Variants in SAMD7 observed in about 807,000 individuals in gnomAD.
SAMD7 encodes sterile alpha motif domain containing 7.
A neutral mutation model predicts 36.7 loss-of-function variants in SAMD7; 34 were observed. That is an observed-to-expected ratio of 0.93 (90% CI 0.71 to 1.23). The LOEUF is 1.23. SAMD7 is among the 50% of genes most tolerant of loss of function. The pLI, the probability that SAMD7 is intolerant of heterozygous loss-of-function variation, is 0.00. For synonymous variants in SAMD7, 188 were observed against 189.7 expected (o/e 0.99, Z 0.07); for missense variants, 570 against 546.6 (o/e 1.04, Z -0.43).
intron 7 of SAMD7, chr3:169,932,904 AG>A (rs1559954079): frequency 6.3e-6 from 4 of 635,984 alleles, no homozygotes; most frequent in Non-Finnish European, 1.2e-5. Flanking sequence ...CAAGATAATG[AG>A]GGCGCCAGTA....
rs141911918 is a variant in SAMD7, at chr3:169,929,668, T to C, written c.1041+1090T>C. ...AGTTGTTTTATCTGTAAAATGAAGATAATCATAATAATACATTTTCAGAGG... is the reference window on the plus strand; with the variant it reads ...AGTTGTTTTATCTGTAAAATGAAGACAATCATAATAATACATTTTCAGAGG... On this transcript the variant is annotated intron_variant, in intron 7 of 8. Coordinates refer to ENST00000335556, the MANE Select transcript of SAMD7 (RefSeq NM_001304366.2). 6.3e-3 allele frequency among the ~76,000 whole-genome samples: 961 copies of C among 152,312 alleles called. 2 individuals carry two copies. The highest frequency in any genetic ancestry group is 1.0e-2 in the Non-Finnish European group (679 of 68,026).
At chr3:169,919,885 C>T (rs1712974311) in intron 3 of SAMD7, among the ~76,000 whole-genome samples, 1 of 152,134 alleles carries the variant, frequency 6.6e-6, no homozygotes, top group Non-Finnish European at 1.5e-5. Context: ...TAATAAAATA[C>T]TGCAGACAGC....
intron 5 of SAMD7, among the ~76,000 whole-genome samples, chr3:169,925,894 G>T (rs565358338): frequency 6.6e-6 from 1 of 152,298 alleles, no homozygotes; most frequent in African/African-American, 2.4e-5. Context: ...AGCCAAGTTT[G>T]CCTACCTGAC....
chr3:169,936,595 G>T, intron 8 of SAMD7, 146 bp downstream of exon 8: 1 of 578,214 alleles, frequency 1.7e-6, no homozygotes, highest in Non-Finnish European at 3.1e-6. Context: ...ATAGAAGTGA[G>T]GGACCCTGAA....
chr3:169,914,219 A>C (rs995619266), intron 1 of SAMD7, among the ~76,000 whole-genome samples: 3 of 151,424 alleles, frequency 2.0e-5, no homozygotes, highest in Non-Finnish European at 1.5e-5. Flanking sequence ...GGATATGAAA[A>C]CTCTCTGTAG....
At chr3:169,927,551 T>G (rs1023293197) in intron 6 of SAMD7, among the ~76,000 whole-genome samples, 1 of 152,128 alleles carries the variant, frequency 6.6e-6, no homozygotes, top group Non-Finnish European at 1.5e-5. Flanking sequence ...CGCCTCGGCC[T>G]CCCAAAGTGC....
At chr3:169,918,807 A>C (rs1258568009) in intron 2 of SAMD7, among the ~76,000 whole-genome samples, 1 of 152,222 alleles carries the variant, frequency 6.6e-6, no homozygotes, top group African/African-American at 2.4e-5. Flanking sequence ...GGGAGAATTT[A>C]TGCATTTGTA....
intron 2 of SAMD7, among the ~76,000 whole-genome samples, chr3:169,916,851 C>T (rs7614795): frequency 0.8 from 121,014 of 152,154 alleles, 48,623 homozygotes; most frequent in Middle Eastern, 0.89. Context: ...AGCTGTGCAC[C>T]GAATCCCATG....
chr3:169,932,479 G>GTGTC, intron 7 of SAMD7: 1 of 593,888 alleles, frequency 1.7e-6, no homozygotes, highest in Non-Finnish European at 3.3e-6. Context: ...AGGATTGTGG[G>GTGTC]TGTCCCAGAG....
At position 169,936,349 on chromosome 3, in the gene SAMD7, A is replaced by T. The variant is rs151225072; in HGVS notation, c.1052A>T (p.Asp351Val). 22 of 1,602,580 alleles carry T rather than the reference A, an allele frequency of 1.4e-5. No homozygotes were observed. The African/African-American group carries it at 2.9e-4, about 21-fold the overall frequency. ...GCSDYAQVFKDHAIDGETLPL... is the reference protein window; with the variant it reads ...GCSDYAQVFKVHAIDGETLPL... Reference sequence around the variant, plus strand: ...TTTGTATTTATGAAGGTATTTAAAGATCATGCAATTGATGGAGAAACTTTG... The same window carrying T: ...TTTGTATTTATGAAGGTATTTAAAGTTCATGCAATTGATGGAGAAACTTTG... Residue 351 changes from aspartate to valine, a missense_variant, in exon 8 of 9, where the codon GAT becomes GTT. Asp to Val is a radical substitution (Grantham distance 152). Transcript: ENST00000335556.
intron 7 of SAMD7, among the ~76,000 whole-genome samples, chr3:169,934,185 C>T (rs536909039): frequency 6.6e-6 from 1 of 152,048 alleles, no homozygotes; most frequent in African/African-American, 2.4e-5. Flanking sequence ...AAGTAGGGAG[C>T]GGCATGGTTA....
intron 1 of SAMD7, among the ~76,000 whole-genome samples, chr3:169,914,560 T>G (rs1430255337): frequency 6.6e-6 from 1 of 152,152 alleles, no homozygotes; most frequent in Non-Finnish European, 1.5e-5. Flanking sequence ...CATTTTAGAT[T>G]AAAATTTGGT....
intron 7 of SAMD7, chr3:169,933,161 C>T (rs1576838198): frequency 9.5e-6 from 7 of 740,168 alleles, no homozygotes; most frequent in Admixed American, 1.8e-5. Flanking sequence ...TCCTGGCCAC[C>T]GTGGAGCAGT....
Position 169,926,938 on chromosome 3 carries a change from G to C in SAMD7, c.676G>C (p.Asp226His), listed in dbSNP as rs757247832. 2.5e-6 allele frequency: 4 copies of C among 1,613,936 alleles called. No individual in the cohort carries two copies. The Admixed American group carries it at 5.0e-5, about 20-fold the overall frequency. The change falls in exon 6 of 9, where the codon GAC (aspartate) becomes CAC (histidine). Residue 226 changes from aspartate (D) to histidine (H), a missense_variant. Coordinates refer to ENST00000335556, the MANE Select transcript of SAMD7 (RefSeq NM_001304366.2). ...CTATGAAGAGGATCATTATGCAAAA[G>C]ACCCAGACATTGAAGCACCCAGCAA... is the stretch of plus-strand genomic sequence containing the variant. ...VPYEEDHYAK[D>H]PDIEAPSNQK...
chr3:169,923,980 T>A (rs1006326334), intron 4 of SAMD7, among the ~76,000 whole-genome samples: 2 of 152,142 alleles, frequency 1.3e-5, no homozygotes, highest in African/African-American at 4.8e-5. Context: ...GGTTCTAAAA[T>A]CCAGGCAGTT....
At chr3:169,919,682 A>G (rs1176075910) in intron 3 of SAMD7, 98 bp downstream of exon 3, 2 of 997,518 alleles carry the variant, frequency 2.0e-6, no homozygotes, top group Non-Finnish European at 3.2e-6. Context: ...ATTGCCTAAT[A>G]TTATTTCAGT....
intron 8 of SAMD7, 91 bp from the exon 9 acceptor site, chr3:169,938,227 A>G: frequency 1.2e-6 from 1 of 814,986 alleles, no homozygotes; most frequent in South Asian, 1.7e-5. Flanking sequence ...CATGCCTGAA[A>G]TTACCTCAGC....
intron 1 of SAMD7, among the ~76,000 whole-genome samples, chr3:169,912,098 T>C (rs1712622173): frequency 6.6e-6 from 1 of 152,366 alleles, no homozygotes; most frequent in African/African-American, 2.4e-5. Flanking sequence ...ATGAAGTTTA[T>C]TTAAGATAAA....
At chr3:169,914,792 T>G (rs530934086) in intron 1 of SAMD7, among the ~76,000 whole-genome samples, 148 of 152,322 alleles carry the variant, frequency 9.7e-4, no homozygotes, top group African/African-American at 3.4e-3. Flanking sequence ...GCTGTTTTGT[T>G]GCAGACAATG....
Sources: gnomAD v4.1 joint callset for allele counts (sites outside exome capture counted in the v4.1 genomes callset) on GRCh38, gnomAD v4.1.1 for gene constraint, MANE v1.5 for transcripts, NCBI Gene and HGNC (gene_info 2026-07-23, HGNC 2026-07-21) for gene names.